Variants in CSMD1 observed in about 807,000 individuals in gnomAD.
CSMD1 encodes CUB and Sushi multiple domains 1.
A neutral mutation model predicts 417.5 loss-of-function variants in CSMD1; 213 were observed. That is an observed-to-expected ratio of 0.51 (90% confidence interval 0.46 to 0.57). The LOEUF (loss-of-function observed/expected upper bound fraction) is 0.57. Among genes scored for constraint, CSMD1 ranks in the 20% least tolerant of loss-of-function variants. CSMD1 has a pLI of 0.00. For missense variants in CSMD1, 6,923 were observed against 4,529.7 expected (o/e 1.53, Z -15.17); for synonymous variants, 2,862 against 1,736.8 (o/e 1.65, Z -16.11).
At chr8:3,114,224 A>G (rs981359961) in intron 42 of CSMD1, among the ~76,000 whole-genome samples, 2 of 152,216 alleles carry the variant, frequency 1.3e-5, no homozygotes, top group Non-Finnish European at 2.9e-5. Flanking sequence ...AGCCTGGGCA[A>G]CAGCCTGAGA....
At position 3,688,250 on chromosome 8, in the gene CSMD1, A is replaced by G. The variant is rs144317711; in HGVS notation, c.1009+20164T>C. ...AGATGATAGTATAATTTTATTCAAA[A>G]TTACAAATATTGTCTCTTTTCTTTT... On this transcript the variant is annotated intron_variant, in intron 7 of 69. Transcript: ENST00000635120. Among the ~76,000 whole-genome samples the G allele has an allele frequency of 2.4e-3, 372 of 152,356 alleles. 1 individual carries two copies. Among genetic ancestry groups the G allele is most frequent in the African/African-American group, 8.7e-3 (363 of 41,582 alleles).
intron 1 of CSMD1, among the ~76,000 whole-genome samples, chr8:4,752,457 T>G (rs897803072): frequency 1.3e-5 from 2 of 152,128 alleles, no homozygotes; most frequent in African/African-American, 2.4e-5. Flanking sequence ...AGGTACTACC[T>G]CGGGTGATGA....
At chr8:3,717,027 C>A (rs1474964690) in intron 6 of CSMD1, among the ~76,000 whole-genome samples, 1 of 152,024 alleles carries the variant, frequency 6.6e-6, no homozygotes, top group Non-Finnish European at 1.5e-5. Flanking sequence ...GGTCACAAAG[C>A]TTGAAATGGT....
chr8:2,972,870 T>A (rs1352905881), intron 57 of CSMD1, among the ~76,000 whole-genome samples: 1 of 152,154 alleles, frequency 6.6e-6, no homozygotes, highest in Non-Finnish European at 1.5e-5. Flanking sequence ...GGGAGAAGAT[T>A]AGAAGCTTCC....
intron 5 of CSMD1, among the ~76,000 whole-genome samples, chr8:3,971,784 G>C (rs578024237): frequency 1.3e-5 from 2 of 152,254 alleles, no homozygotes; most frequent in South Asian, 2.1e-4. Flanking sequence ...CCAGTGTAGA[G>C]AACAGAATTA....
intron 1 of CSMD1, among the ~76,000 whole-genome samples, chr8:4,756,546 T>G (rs1367202187): frequency 3.9e-5 from 6 of 152,174 alleles, no homozygotes; most frequent in African/African-American, 1.2e-4. Flanking sequence ...TCCAACGAGG[T>G]ATGTATAATG....
intron 2 of CSMD1, among the ~76,000 whole-genome samples, chr8:4,463,686 T>A (rs1357515688): frequency 6.6e-6 from 1 of 152,172 alleles, no homozygotes; most frequent in Non-Finnish European, 1.5e-5. Flanking sequence ...ACATTAAATG[T>A]CCAGAATAGG....
intron 52 of CSMD1, among the ~76,000 whole-genome samples, chr8:3,014,826 G>A (rs1406762736): frequency 6.6e-6 from 1 of 152,052 alleles, no homozygotes; most frequent in Non-Finnish European, 1.5e-5. Flanking sequence ...TGAGGTGGGA[G>A]GAGCACTTGA....
chr8:3,351,474 G>T (rs7830257), intron 21 of CSMD1, among the ~76,000 whole-genome samples: 1 of 151,806 alleles, frequency 6.6e-6, no homozygotes, highest in Non-Finnish European at 1.5e-5. Flanking sequence ...AGCTAGGCGT[G>T]GTGGCACATG....
intron 23 of CSMD1, among the ~76,000 whole-genome samples, chr8:3,336,512 A>T (rs940129795): frequency 5.9e-5 from 9 of 152,244 alleles, no homozygotes; most frequent in African/African-American, 2.2e-4. Context: ...TGCTTCACAG[A>T]TAAAATCAAC....
chr8:4,359,988 GC>G (rs2128906956), intron 3 of CSMD1, among the ~76,000 whole-genome samples: 1 of 152,302 alleles, frequency 6.6e-6, no homozygotes, highest in East Asian at 1.9e-4. Flanking sequence ...TTAGCCAAAT[GC>G]CACTGCCATC....
chr8:3,708,229 G>C (rs1205478089), intron 7 of CSMD1, among the ~76,000 whole-genome samples, 185 bp downstream of exon 7: 2 of 152,094 alleles, frequency 1.3e-5, no homozygotes, highest in Non-Finnish European at 2.9e-5. Flanking sequence ...GAACCACCAC[G>C]ACATTCCTCC....
chr8:4,974,322 G>C (rs1463562142), intron 1 of CSMD1, among the ~76,000 whole-genome samples: 1 of 151,868 alleles, frequency 6.6e-6, no homozygotes, highest in East Asian at 1.9e-4. Context: ...TTTTATTTTT[G>C]AAGAGCACAG....
Position 3,323,451 on chromosome 8 carries a change from T to G in CSMD1, c.3632-14948A>C, listed in dbSNP as rs155329. On this transcript the variant is annotated intron_variant, in intron 23 of 69. Coordinates refer to ENST00000635120, the MANE Select transcript of CSMD1 (RefSeq NM_033225.6). ...GAAACGCTGGTCCATTCTGAACCCC[T>G]CTCTCTCTCTCTCACATACTCCACA... 2.1e-5 allele frequency among the ~76,000 whole-genome samples: 3 copies of G among 140,120 alleles called. No homozygotes were observed. The Admixed American group carries it at 2.3e-4, about 11-fold the overall frequency. 91.9% of individuals were successfully genotyped at this position (140,120 alleles called of 152,430 possible).
At chr8:3,414,778 C>T (rs1204766965) in intron 12 of CSMD1, among the ~76,000 whole-genome samples, 1 of 152,116 alleles carries the variant, frequency 6.6e-6, no homozygotes, top group Admixed American at 6.5e-5. Flanking sequence ...GGGTGTCTCC[C>T]CTCTTCAGCC....
intron 1 of CSMD1, among the ~76,000 whole-genome samples, chr8:4,847,602 T>C (rs1305358414): frequency 6.6e-6 from 1 of 152,128 alleles, no homozygotes; most frequent in Non-Finnish European, 1.5e-5. Flanking sequence ...TTTTGCCTAA[T>C]ATCGTTTATC....
chr8:3,216,622 C>T (rs1456368408), intron 29 of CSMD1, among the ~76,000 whole-genome samples: 2 of 152,162 alleles, frequency 1.3e-5, no homozygotes, highest in African/African-American at 4.8e-5. Flanking sequence ...CCATTACTGA[C>T]TTGTCACTTC....
chr8:4,361,469 G>T (rs1453030724), intron 3 of CSMD1, among the ~76,000 whole-genome samples: 1 of 152,026 alleles, frequency 6.6e-6, no homozygotes, highest in Non-Finnish European at 1.5e-5. Flanking sequence ...TAATAAGGTC[G>T]ACATTATTGC....
intron 50 of CSMD1, among the ~76,000 whole-genome samples, chr8:3,039,908 T>A (rs975453588): frequency 6.6e-6 from 1 of 152,172 alleles, no homozygotes. Flanking sequence ...GTGTTCCTCT[T>A]CTAAAAATTA....
Sources: gnomAD v4.1 joint callset for allele counts (sites outside exome capture counted in the v4.1 genomes callset) on GRCh38, gnomAD v4.1.1 for gene constraint, MANE v1.5 for transcripts, NCBI Gene and HGNC (gene_info 2026-07-23, HGNC 2026-07-21) for gene names.